GRIA4: variants seen among roughly 807,000 people sequenced by gnomAD.
GRIA4 encodes glutamate receptor 4.
In GRIA4, 34 loss-of-function variants were observed where a neutral mutation model predicts 104.0. The ratio of observed to expected loss-of-function variants is 0.33; its 90% confidence interval spans 0.25 to 0.44. The LOEUF is 0.44. Among genes scored for constraint, GRIA4 ranks in the 20% least tolerant of loss-of-function variants. The pLI is 1.00. For synonymous variants in GRIA4, 386 were observed against 381.9 expected (o/e 1.01, Z -0.13); for missense variants, 750 against 1,096.5 (o/e 0.68, Z 4.46).
intron 5 of GRIA4, chr11:105,862,429 A>C (rs780812165): frequency 3.2e-5 from 14 of 432,376 alleles, no homozygotes; most frequent in Non-Finnish European, 5.0e-5. Context: ...TATTTCTCAC[A>C]TATTCTTAAG....
Position 105,850,715 on chromosome 11 carries a change from G to A in GRIA4, c.488-11309G>A, listed in dbSNP as rs1304675404. ...TAGAGCTACCAGAGACATTTGGGGA[G>A]GGGAGAATTGGGAGAAGGGGGCTTT... is the stretch of plus-strand genomic sequence containing the variant. On this transcript the variant is annotated intron_variant, in intron 4 of 16. Transcript: ENST00000282499. Among the ~76,000 whole-genome samples the A allele has an allele frequency of 2.0e-5, 3 of 152,138 alleles. No individual in the cohort carries two copies. The South Asian group carries it at 6.2e-4, about 31-fold the overall frequency.
chr11:105,697,729 G>T (rs1953334066), intron 3 of GRIA4, among the ~76,000 whole-genome samples: 1 of 152,110 alleles, frequency 6.6e-6, no homozygotes, highest in African/African-American at 2.4e-5. Context: ...GGGGGGAGGG[G>T]TGGTGCAATT....
intron 10 of GRIA4, among the ~76,000 whole-genome samples, chr11:105,916,023 A>C (rs1434731539): frequency 6.6e-6 from 1 of 152,038 alleles, no homozygotes; most frequent in Non-Finnish European, 1.5e-5. Context: ...ATCACTACTA[A>C]AAATACAAGA....
At chr11:105,669,158 A>C (rs905659813) in intron 3 of GRIA4, among the ~76,000 whole-genome samples, 1 of 151,850 alleles carries the variant, frequency 6.6e-6, no homozygotes. Context: ...TTTCTCTCAT[A>C]ATCTGTCCCT....
chr11:105,664,237 T>C (rs967420963), intron 3 of GRIA4, among the ~76,000 whole-genome samples: 1 of 150,094 alleles, frequency 6.7e-6, no homozygotes, highest in African/African-American at 2.5e-5. Flanking sequence ...AGCTGTGATA[T>C]AAATGACGGG....
intron 5 of GRIA4, among the ~76,000 whole-genome samples, chr11:105,875,206 T>C (rs1945771116): frequency 1.3e-5 from 2 of 152,218 alleles, no homozygotes; most frequent in South Asian, 2.1e-4. Flanking sequence ...GTTTATGTGA[T>C]AGATTATGTT....
intron 3 of GRIA4, among the ~76,000 whole-genome samples, chr11:105,703,746 ACTG>A (rs1953590788): frequency 6.6e-6 from 1 of 152,152 alleles, no homozygotes; most frequent in Admixed American, 6.6e-5. Context: ...AATTTGCTAA[ACTG>A]TCAAACCTAT....
chr11:105,867,085 T>G (rs1945445989), intron 5 of GRIA4, among the ~76,000 whole-genome samples: 3 of 152,008 alleles, frequency 2.0e-5, no homozygotes, highest in Non-Finnish European at 4.4e-5. Context: ...GAATTTAGTG[T>G]CCCATCAGAC....
intron 3 of GRIA4, among the ~76,000 whole-genome samples, chr11:105,631,971 T>A (rs1420165242): frequency 1.3e-5 from 2 of 152,082 alleles, no homozygotes; most frequent in Non-Finnish European, 2.9e-5. Flanking sequence ...CAAAAAGGGA[T>A]GAGGTGGCAC....
intron 3 of GRIA4, among the ~76,000 whole-genome samples, chr11:105,726,349 C>T (rs950582803): frequency 1.3e-5 from 2 of 152,166 alleles, no homozygotes; most frequent in Non-Finnish European, 2.9e-5. Context: ...TAGATTCCTC[C>T]TCTCTGGGCA....
chr11:105,790,758 T>C (rs144214129), intron 4 of GRIA4, among the ~76,000 whole-genome samples: 67 of 152,332 alleles, frequency 4.4e-4, no homozygotes, highest in African/African-American at 1.5e-3. Context: ...TGATTTGATA[T>C]ATCAGAAAAG....
In GRIA4 at chr11:105,804,785, C is replaced by T. The variant is rs375621241; in HGVS notation, c.487+51565C>T. Among the ~76,000 whole-genome samples the T allele has an allele frequency of 1.1e-4, 16 of 152,058 alleles. No individual in the cohort carries two copies. In the South Asian group the frequency reaches 3.3e-3, roughly 31 times the overall value. On this transcript the variant is annotated intron_variant, in intron 4 of 16. Coordinates refer to ENST00000282499, the MANE Select transcript of GRIA4 (RefSeq NM_000829.4). ...TGGAATGGTAGAAAAGCATGTTTTA[C>T]TTGAAAACTATTTCTGTATGAAAGC...
intron 14 of GRIA4, among the ~76,000 whole-genome samples, chr11:105,946,958 A>C (rs1027432764): frequency 2.0e-5 from 3 of 152,206 alleles, no homozygotes; most frequent in Admixed American, 1.3e-4. Flanking sequence ...CAAATCCTTA[A>C]AGTTGGATTG....
In GRIA4 at chr11:105,677,658, C is replaced by T. The variant is rs544647759; in HGVS notation, c.247+65224C>T. On this transcript the variant is annotated intron_variant, in intron 3 of 16. Coordinates refer to ENST00000282499, the MANE Select transcript of GRIA4 (RefSeq NM_000829.4). ...ACCACCTCTCAAACTCCTCATCTTTCATACCTAGAATTTCCTTTGAACTTA... is the reference window on the plus strand; with the variant it reads ...ACCACCTCTCAAACTCCTCATCTTTTATACCTAGAATTTCCTTTGAACTTA... 9.2e-5 allele frequency among the ~76,000 whole-genome samples: 14 copies of T among 152,086 alleles called. No homozygotes were observed. In the South Asian group the frequency reaches 2.7e-3, roughly 29 times the overall value.
intron 4 of GRIA4, among the ~76,000 whole-genome samples, chr11:105,857,336 C>A (rs1165965421): frequency 6.6e-6 from 1 of 152,118 alleles, no homozygotes; most frequent in East Asian, 1.9e-4. Flanking sequence ...TGGATACTGA[C>A]AAATTGTGCC....
chr11:105,616,151 TAGAA>T lies in GRIA4; in HGVS notation c.247+3720_247+3723del, dbSNP rs533501359. On this transcript the variant is annotated intron_variant, in intron 3 of 16. Coordinates refer to ENST00000282499, the MANE Select transcript of GRIA4 (RefSeq NM_000829.4). ...CTGTTTAAAACTTTTTAAACTTTGA[TAGAA>T]AGGACTAATTGATTAATATTTTTCT... Among the ~76,000 whole-genome samples, 260 of 151,816 alleles carry T rather than the reference TAGAA, an allele frequency of 1.7e-3. 1 individual carries two copies. The highest frequency in any genetic ancestry group is 3.1e-3 in the South Asian group (15 of 4,832).
intron 3 of GRIA4, among the ~76,000 whole-genome samples, chr11:105,718,351 T>G (rs1016148846): frequency 2.0e-5 from 3 of 152,192 alleles, no homozygotes; most frequent in African/African-American, 7.2e-5. Flanking sequence ...CACAGATGAC[T>G]GATGCCTGTA....
At chr11:105,849,061 A>T (rs1012917679) in intron 4 of GRIA4, among the ~76,000 whole-genome samples, 8 of 152,106 alleles carry the variant, frequency 5.3e-5, no homozygotes, top group Non-Finnish European at 2.9e-5. Context: ...GCATTGTGGC[A>T]GGTGCCTGTA....
chr11:105,755,636 C>T (rs1469643531), intron 4 of GRIA4, among the ~76,000 whole-genome samples: 2 of 152,166 alleles, frequency 1.3e-5, no homozygotes, highest in Non-Finnish European at 2.9e-5. Context: ...GCTAGTAAAA[C>T]ATTATTTCTG....
Sources: gnomAD v4.1 joint callset for allele counts (sites outside exome capture counted in the v4.1 genomes callset) on GRCh38, gnomAD v4.1.1 for gene constraint, MANE v1.5 for transcripts, NCBI Gene and HGNC (gene_info 2026-07-23, HGNC 2026-07-21) for gene names.